CFAP44: variants seen among roughly 807,000 people sequenced by gnomAD.
The protein encoded by CFAP44 is cilia- and flagella-associated protein 44.
Under a neutral mutation model 216.2 loss-of-function variants are expected in CFAP44, and 134 were observed. The ratio of observed to expected loss-of-function variants is 0.62; its 90% CI spans 0.54 to 0.72. CFAP44 has a LOEUF of 0.72. Ranked by LOEUF, CFAP44 falls within the 30% of genes least tolerant of loss-of-function variation. The pLI is 0.00. For missense variants in CFAP44, 2,035 were observed against 2,182.1 expected, an observed-to-expected ratio of 0.93 and a Z score of 1.34; for synonymous variants, 700 against 727.6, an observed-to-expected ratio of 0.96 and a Z score of 0.61.
intron 18 of CFAP44, among the ~76,000 whole-genome samples, chr3:113,372,464 C>A (rs1047444430): frequency 1.3e-5 from 2 of 152,156 alleles, no homozygotes; most frequent in African/African-American, 2.4e-5. Context: ...TCATTCTCAG[C>A]AAACTATCAC....
chr3:113,424,033 AGTTCACCAT>A (rs1396246979), intron 4 of CFAP44, among the ~76,000 whole-genome samples: 1 of 152,276 alleles, frequency 6.6e-6, no homozygotes, highest in African/African-American at 2.4e-5. Flanking sequence ...TTTAGGTTAT[AGTTCACCAT>A]GTACAGAGAA....
In CFAP44 at chr3:113,302,177, T is replaced by C. The variant is rs1949941609; in HGVS notation, c.5077+1739A>G. Among the ~76,000 whole-genome samples, 3 of 152,166 alleles carry C rather than the reference T, an allele frequency of 2.0e-5. No individual in the cohort carries two copies. The South Asian group carries it at 6.2e-4, about 32-fold the overall frequency. ...TTTTCTTTAGCCACTCATCTGTTTA[T>C]GGACACTTAGGTTGATTCCGTGTCT... On this transcript the variant is annotated intron_variant, in intron 32 of 34. Transcript: ENST00000393845.
chr3:113,404,288 A>C (rs1296305239), intron 8 of CFAP44, among the ~76,000 whole-genome samples: 2 of 152,222 alleles, frequency 1.3e-5, no homozygotes, highest in Non-Finnish European at 2.9e-5. Context: ...GTATGTATAC[A>C]ATAGACTTCT....
intron 32 of CFAP44, among the ~76,000 whole-genome samples, chr3:113,302,971 T>C (rs1037812443): frequency 6.6e-6 from 1 of 152,100 alleles, no homozygotes; most frequent in African/African-American, 2.4e-5. Context: ...ATGGCAAATA[T>C]ATGTATGTAA....
chr3:113,375,285 G>A (rs1301265158), intron 17 of CFAP44, among the ~76,000 whole-genome samples: 1 of 152,118 alleles, frequency 6.6e-6, no homozygotes, highest in African/African-American at 2.4e-5. Flanking sequence ...TTGTGAATAC[G>A]TTTACTACTA....
Position 113,399,998 on chromosome 3 carries a change from A to G in CFAP44, c.1477T>C (p.Ser493Pro). The G allele has an allele frequency of 6.4e-7, 1 of 1,557,388 alleles. No individual in the cohort carries two copies. Among genetic ancestry groups the G allele is most frequent in the Non-Finnish European group, 8.6e-7 (1 of 1,158,344 alleles). Reference sequence around the variant, plus strand: ...CTAGCAAAATCATAGATTCGAACAGAGCCTATAGAAAGACAGTTTTAAAAG... The same window carrying G: ...CTAGCAAAATCATAGATTCGAACAGGGCCTATAGAAAGACAGTTTTAAAAG... ...YLMATTALDCSVRIYDFASKT... is the reference protein window; with the variant it reads ...YLMATTALDCPVRIYDFASKT... Residue 493 changes from serine to proline, a missense_variant and splice_region_variant, in exon 13 of 35, where the codon TCT (serine) becomes CCT (proline). Around this residue, in one of 3 missense-constraint regions of CFAP44, gnomAD observed 1,883 missense variants for 2,023.7 expected, o/e 0.93. Transcript: ENST00000393845.
At chr3:113,345,929 T>C (rs532674317) in intron 22 of CFAP44, among the ~76,000 whole-genome samples, 58 of 152,364 alleles carry the variant, frequency 3.8e-4, no homozygotes, top group African/African-American at 1.3e-3. Context: ...ATACATACTA[T>C]CTTTCTCATC....
In CFAP44 at chr3:113,297,677, T is replaced by C. The variant is rs1197865862; in HGVS notation, c.5078-792A>G. Among the ~76,000 whole-genome samples the C allele has an allele frequency of 9.9e-5, 15 of 152,208 alleles. 1 individual carries two copies. The South Asian group carries it at 2.9e-3, about 29-fold the overall frequency. ...TTTTCTTCTTAGCAACTAACTAACA[T>C]GTAAGATCTAGCATGCAATATATTT... On this transcript the variant is annotated intron_variant, in intron 32 of 34. Transcript: ENST00000393845.
rs1949825836 is a variant in CFAP44, at chr3:113,291,212, G to C, written c.*345C>G. 1 of 181,732 alleles carries C rather than the reference G, an allele frequency of 5.5e-6. No homozygotes were observed. The highest frequency in any genetic ancestry group is 5.5e-5 in the Admixed American group (1 of 18,142). 11.3% of individuals were successfully genotyped at this position (181,732 alleles called of 1,614,324 possible). ...TGAATGATAGTTTTTCTTGCCAAGG[G>C]CTAAAAATTCAGGATACCCCCAAAT... On this transcript the variant is annotated 3_prime_UTR_variant, in exon 35 of 35. Transcript: ENST00000393845.
intron 26 of CFAP44, among the ~76,000 whole-genome samples, chr3:113,328,236 A>G (rs897370621): frequency 7.0e-6 from 1 of 141,858 alleles, no homozygotes; most frequent in Non-Finnish European, 1.5e-5. Flanking sequence ...AATTTTCAAA[A>G]CCACAGAATG....
chr3:113,370,022 T>C (rs1420342135), intron 18 of CFAP44, among the ~76,000 whole-genome samples: 1 of 152,102 alleles, frequency 6.6e-6, no homozygotes, highest in African/African-American at 2.4e-5. Flanking sequence ...CTCCCAAGAC[T>C]AAACCAGGAA....
Position 113,407,243 on chromosome 3 carries a change from C to A in CFAP44, c.891-202G>T, listed in dbSNP as rs11927730. Among the ~76,000 whole-genome samples, 491 of 152,238 alleles carry A rather than the reference C, an allele frequency of 3.2e-3. 5 individuals are homozygous for A. In the East Asian group the frequency reaches 0.038, roughly 12 times the overall value. On this transcript the variant is annotated intron_variant, in intron 7 of 34. Transcript: ENST00000393845. ...TGAATTCTGCAATGATCAAAACAGG[C>A]GAAAAATAAAATTTCCTGCTTTCAT...
Position 113,409,270 on chromosome 3 carries a change from C to T in CFAP44, c.726G>A (p.Leu242=). Residue 242 remains leucine, a synonymous_variant, in exon 7 of 35, where the codon TTG becomes TTA. Coordinates refer to ENST00000393845, the MANE Select transcript of CFAP44 (RefSeq NM_001164496.2). ...AYVDFNYSGN[L]LASVGSNPDY... ...CAGGGTTACTACCAACAGAGGCCAG[C>T]AAGTTACCGCTGTAGTTAAAGTCCA... 1 of 1,614,122 alleles carries T rather than the reference C, an allele frequency of 6.2e-7. No individual in the cohort carries two copies. Among genetic ancestry groups the T allele is most frequent in the South Asian group, 1.1e-5 (1 of 91,086 alleles).
chr3:113,431,425 T>C (rs924122497), intron 2 of CFAP44, among the ~76,000 whole-genome samples: 1 of 152,010 alleles, frequency 6.6e-6, no homozygotes, highest in African/African-American at 2.4e-5. Flanking sequence ...CAAGGGAAAG[T>C]TGAGAGTAGC....
intron 22 of CFAP44, among the ~76,000 whole-genome samples, chr3:113,348,443 C>T (rs899920105): frequency 1.2e-4 from 19 of 152,146 alleles, no homozygotes; most frequent in African/African-American, 2.7e-4. Flanking sequence ...TGCAGCTTGA[C>T]CTTTTCTGTA....
intron 25 of CFAP44, 36 bp from the exon 26 acceptor site, chr3:113,330,704 C>T: frequency 6.7e-7 from 1 of 1,494,406 alleles, no homozygotes; most frequent in South Asian, 1.3e-5. Context: ...AACAGTACAA[C>T]CCTCTGACAA....
chr3:113,437,611 C>G (rs115468630), intron 1 of CFAP44, among the ~76,000 whole-genome samples: 1 of 152,088 alleles, frequency 6.6e-6, no homozygotes, highest in African/African-American at 2.4e-5. Context: ...GGAATTTGCC[C>G]GGTGTTCTGA....
chr3:113,368,249 G>T (rs969472370), intron 18 of CFAP44, among the ~76,000 whole-genome samples: 1 of 152,140 alleles, frequency 6.6e-6, no homozygotes, highest in African/African-American at 2.4e-5. Context: ...ACACCACAAA[G>T]ATTCTCCTTG....
chr3:113,411,160 T>C (rs1404677262), intron 6 of CFAP44, among the ~76,000 whole-genome samples: 1 of 152,184 alleles, frequency 6.6e-6, no homozygotes, highest in East Asian at 1.9e-4. Context: ...TTAGATCCCA[T>C]TTGTCAATTT....
Sources: allele counts gnomAD v4.1 joint callset (sites outside exome capture counted in the v4.1 genomes callset), GRCh38; gene constraint gnomAD v4.1.1; regional missense constraint gnomAD v4.1.1; transcripts MANE v1.5; gene names NCBI Gene and HGNC (gene_info 2026-07-23, HGNC 2026-07-21).